OR11A1: variants seen among roughly 807,000 people sequenced by gnomAD.
OR11A1 encodes olfactory receptor 11A1.
For synonymous variants in OR11A1, 158 were observed against 152.2 expected (o/e 1.04, Z -0.28); for missense variants, 380 against 378.2 (o/e 1.00, Z -0.04).
chr6:29,440,516 C>A (rs774279416), intron 1 of OR11A1: 1 of 1,613,766 alleles, frequency 6.2e-7, no homozygotes, highest in Non-Finnish European at 8.5e-7. Flanking sequence ...CTTTGCCCTT[C>A]TGCGGCCCCA....
rs1782950548 is a variant in OR11A1 at position 29,427,749 on chromosome 6, C to CA, written c.-91-18dup. On this transcript the variant is annotated splice_polypyrimidine_tract_variant and intron_variant, in intron 4 of 4. Coordinates refer to ENST00000377149, the MANE Select transcript of OR11A1 (RefSeq NM_001394828.1). ...TTATTAGAGCTAAAACAAAACAAAA[C>CA]AAAAAAGACAAAAATGAGTCTCTAA... 3.5e-6 allele frequency: 5 copies of CA among 1,444,344 alleles called. No individual in the cohort carries two copies. Among genetic ancestry groups the CA allele is most frequent in the Admixed American group, 2.8e-5 (1 of 35,492 alleles). 89.5% of individuals were successfully genotyped at this position (1,444,344 alleles called of 1,614,324 possible). A position where few individuals can be genotyped will look rare whatever the true frequency, so the allele number is the denominator to read the frequency against.
chr6:29,437,650 G>A (rs1473045579), intron 1 of OR11A1, among the ~76,000 whole-genome samples: 1 of 151,922 alleles, frequency 6.6e-6, no homozygotes, highest in African/African-American at 2.4e-5. Flanking sequence ...AAGAGTTTGT[G>A]TCAGTTGTCT....
At chr6:29,434,238 C>A (rs192300749) in intron 1 of OR11A1, among the ~76,000 whole-genome samples, 2 of 152,118 alleles carry the variant, frequency 1.3e-5, no homozygotes, top group Admixed American at 1.3e-4. Context: ...AAATCTTGCC[C>A]ATACCAACGT....
intron 1 of OR11A1, among the ~76,000 whole-genome samples, chr6:29,444,128 G>C (rs1032583159): frequency 1.3e-5 from 2 of 152,142 alleles, no homozygotes. Flanking sequence ...TATGGGGGTG[G>C]ATGTTTCCTG....
chr6:29,439,593 C>G, intron 1 of OR11A1: 1 of 173,532 alleles, frequency 5.8e-6, no homozygotes, highest in Non-Finnish European at 1.2e-5. Context: ...AGACAGGAGA[C>G]AAGTTGATGG....
At chr6:29,454,051 A>T (rs1411208204) in intron 1 of OR11A1, among the ~76,000 whole-genome samples, 1 of 152,200 alleles carries the variant, frequency 6.6e-6, no homozygotes, top group Non-Finnish European at 1.5e-5. Flanking sequence ...ATTATGTCCA[A>T]TAATGTTAAC....
In OR11A1 at chr6:29,431,998, G is replaced by A. The variant is rs1008261137; in HGVS notation, c.-388-11C>T. On this transcript the variant is annotated splice_polypyrimidine_tract_variant and intron_variant, in intron 1 of 4. Transcript: ENST00000377149. ...CTGCTTGAGCTCAACCTGAAGTAAC[G>A]TAGAACATTGATTACAAATGTCACC... The A allele has an allele frequency of 2.6e-5, 26 of 985,254 alleles. No individual in the cohort carries two copies. The highest frequency in any genetic ancestry group is 4.7e-5 in the South Asian group (1 of 21,276). The allele number at this position is 985,254 out of a possible 1,614,324, so 61.0% of individuals were successfully genotyped here.
chr6:29,446,139 A>C lies in OR11A1; in HGVS notation c.-389+10848T>G, dbSNP rs184434409. 1.4e-3 allele frequency among the ~76,000 whole-genome samples: 210 copies of C among 152,164 alleles called. 5 individuals are homozygous for C. The East Asian group carries it at 0.021, about 15-fold the overall frequency. ...TTTTTTCTTTTGGCTAACCCTTTAC[A>C]CTTCTTTCAAGTCTGCGAATAATTA... On this transcript the variant is annotated intron_variant, in intron 1 of 4. Coordinates refer to ENST00000377149, the MANE Select transcript of OR11A1 (RefSeq NM_001394828.1).
intron 1 of OR11A1, chr6:29,440,845 A>G: frequency 6.2e-7 from 1 of 1,613,834 alleles, no homozygotes; most frequent in Non-Finnish European, 8.5e-7. Context: ...TCCCTCTTCT[A>G]TGCTGTGGTC....
rs115238650 is a variant in OR11A1 at position 29,431,318 on chromosome 6, A to T, written c.-265+546T>A. Among the ~76,000 whole-genome samples, 7 of 152,294 alleles carry T rather than the reference A, an allele frequency of 4.6e-5. No homozygotes were observed. The East Asian group carries it at 1.2e-3, about 25-fold the overall frequency. ...TATGTTTGTAAGCAGAAAACCAAAA[A>T]GTTAATTCAGTTTGATTTTTTTAAT... is the stretch of plus-strand genomic sequence containing the variant. On this transcript the variant is annotated intron_variant, in intron 2 of 4. Coordinates refer to ENST00000377149, the MANE Select transcript of OR11A1 (RefSeq NM_001394828.1).
chr6:29,427,548 C>A lies in OR11A1; in HGVS notation c.94G>T (p.Val32Leu), dbSNP rs1225710257. ...ATGAAGACATAGACAGCAGTGAATA[C>A]AATAAAAAACAAGAAATGCAGTTCA... is the stretch of plus-strand genomic sequence containing the variant. ...IPELHFLFFI[V>L]FTAVYVFIII... Residue 32 changes from valine to leucine, a missense_variant, in exon 5 of 5, where the codon GTA becomes TTA. Coordinates refer to ENST00000377149, the MANE Select transcript of OR11A1 (RefSeq NM_001394828.1). The A allele has an allele frequency of 3.7e-6, 6 of 1,612,834 alleles. No homozygotes were observed. Among genetic ancestry groups the A allele is most frequent in the Admixed American group, 1.7e-5 (1 of 59,986 alleles).
intron 4 of OR11A1, among the ~76,000 whole-genome samples, chr6:29,428,034 C>G (rs1384523713): frequency 6.6e-6 from 1 of 152,118 alleles, no homozygotes; most frequent in African/African-American, 2.4e-5. Flanking sequence ...ATAATATTCT[C>G]CAAATGTGTG....
In OR11A1 at chr6:29,426,730, C is replaced by A. The variant is rs750079831; in HGVS notation, c.912G>T (p.Lys304Asn). ...RNKEVHQALR[K>N]ILCIKQTETL... ...TTTCAGTTTGTTTGATACAGAGAAT[C>A]TTCCGAAGTGCCTGATGCACCTCCT... The change falls in exon 5 of 5, where the codon AAG becomes AAT. Residue 304 changes from lysine to asparagine, a missense_variant. Lys to Asn is a moderately conservative substitution (Grantham distance 94, BLOSUM62 0). Coordinates refer to ENST00000377149, the MANE Select transcript of OR11A1 (RefSeq NM_001394828.1). The A allele has an allele frequency of 2.5e-6, 4 of 1,612,304 alleles. No homozygotes were observed. Among genetic ancestry groups the A allele is most frequent in the South Asian group, 2.2e-5 (2 of 90,992 alleles).
intron 2 of OR11A1, 139 bp downstream of exon 2, chr6:29,431,725 A>T: frequency 3.3e-6 from 1 of 299,100 alleles, no homozygotes; most frequent in Non-Finnish European, 4.9e-6. Flanking sequence ...AATGATTTTT[A>T]ATAAAAGACT....
chr6:29,427,208 A>C lies in OR11A1; in HGVS notation c.434T>G (p.Leu145Arg). ...TCCAGAGAGCCAGGTTGTGACCACC[A>C]GCCCCATGTACCGTCTGGGCCCCAT... ...LLMGPRRYMG[L>R]VVTTWLSGFV... is the part of the protein sequence containing the mutation. Residue 145 changes from leucine to arginine, a missense_variant, in exon 5 of 5, where the codon CTG becomes CGG. By Grantham distance (102) the Leu-to-Arg change is moderately radical. Coordinates refer to ENST00000377149, the MANE Select transcript of OR11A1 (RefSeq NM_001394828.1). 6.2e-7 allele frequency: 1 copy of C among 1,613,122 alleles called. No homozygotes were observed. Among genetic ancestry groups the C allele is most frequent in the Non-Finnish European group, 8.5e-7 (1 of 1,180,028 alleles).
chr6:29,439,724 A>G (rs1783942405), intron 1 of OR11A1: 1 of 444,922 alleles, frequency 2.2e-6, no homozygotes, highest in Non-Finnish European at 3.9e-6. Flanking sequence ...AAAACTGGAA[A>G]GACAGTTTAA....
Position 29,428,974 on chromosome 6 carries a change from G to A in OR11A1, c.-139-14C>T. On this transcript the variant is annotated splice_polypyrimidine_tract_variant and intron_variant, in intron 3 of 4. Transcript: ENST00000377149. ...TGTGTTTATTAACTGAAGACAATGAGAGAGAATACAGGGAATGATTAGAAA... is the reference window on the plus strand; with the variant it reads ...TGTGTTTATTAACTGAAGACAATGAAAGAGAATACAGGGAATGATTAGAAA... 2.1e-6 allele frequency: 2 copies of A among 937,390 alleles called. No homozygotes were observed. Among genetic ancestry groups the A allele is most frequent in the Non-Finnish European group, 2.5e-6 (2 of 786,748 alleles). The allele number at this position is 937,390 out of a possible 1,614,324, so 58.1% of individuals were successfully genotyped here.
chr6:29,437,733 C>T (rs1281025885), intron 1 of OR11A1, among the ~76,000 whole-genome samples: 1 of 152,172 alleles, frequency 6.6e-6, no homozygotes, highest in African/African-American at 2.4e-5. Context: ...AGCAATAATA[C>T]TACATAGGTT....
chr6:29,456,507 C>G (rs1196422633), intron 1 of OR11A1, among the ~76,000 whole-genome samples: 1 of 148,718 alleles, frequency 6.7e-6, no homozygotes, highest in Non-Finnish European at 1.5e-5. Flanking sequence ...AAGACTCCGT[C>G]TCAAAAAAAA....
Sources: gnomAD v4.1 joint callset for allele counts (sites outside exome capture counted in the v4.1 genomes callset) on GRCh38, gnomAD v4.1.1 for gene constraint, MANE v1.5 for transcripts, NCBI Gene and HGNC (gene_info 2026-07-23, HGNC 2026-07-21) for gene names.